ZC3H18: variants seen among roughly 807,000 people sequenced by gnomAD.
ZC3H18 encodes the protein zinc finger CCCH-type containing 18.
ZC3H18 carries 8 observed loss-of-function variants against 106.1 expected under a neutral mutation model. The observed-to-expected ratio is 0.08, with a 90% CI of 0.04 to 0.14. The LOEUF (loss-of-function observed/expected upper bound fraction) is 0.14. Ranked by LOEUF, ZC3H18 falls within the 10% of genes least tolerant of loss-of-function variation. The pLI, the probability that ZC3H18 is intolerant of heterozygous loss-of-function variation, is 1.00. For synonymous variants in ZC3H18, 635 were observed against 522.1 expected (o/e 1.22, Z -2.95); for missense variants, 1,318 against 1,278.4 (o/e 1.03, Z -0.47).
chr16:88,607,221 GCCT>G (rs1208927690), intron 6 of ZC3H18, among the ~76,000 whole-genome samples: 1 of 152,164 alleles, frequency 6.6e-6, no homozygotes, highest in South Asian at 2.1e-4. Flanking sequence ...TGGACCTCCT[GCCT>G]CCTCCTTCTG....
Position 88,619,045 on chromosome 16 carries a change from T to A in ZC3H18, c.1476-3152T>A, listed in dbSNP as rs1187119892. 2.0e-5 allele frequency among the ~76,000 whole-genome samples: 3 copies of A among 152,326 alleles called. No homozygotes were observed. The East Asian group carries it at 5.8e-4, about 29-fold the overall frequency. On this transcript the variant is annotated intron_variant, in intron 8 of 17. Transcript: ENST00000301011. ...AATCAGGATGTCCCCTGGGGTGACA[T>A]TCTTTGCTGAGAGAAGGGCACATGC...
chr16:88,605,791 C>G (rs2142722021), intron 6 of ZC3H18, among the ~76,000 whole-genome samples: 1 of 152,354 alleles, frequency 6.6e-6, no homozygotes, highest in East Asian at 1.9e-4. Context: ...TCTCTAATTG[C>G]TCGACTTTTC....
At chr16:88,624,252 ACAG>A in intron 11 of ZC3H18, 190 bp downstream of exon 11, 2 of 773,294 alleles carry the variant, frequency 2.6e-6, no homozygotes, top group Non-Finnish European at 4.0e-6. Flanking sequence ...CCACCCTTAC[ACAG>A]CAGCACTCCC....
intron 17 of ZC3H18, 56 bp from the exon 18 acceptor site, chr16:88,631,045 C>A (rs978981765): frequency 6.2e-7 from 1 of 1,605,976 alleles, no homozygotes; most frequent in South Asian, 1.1e-5. Flanking sequence ...GAGGTCACCC[C>A]TTCCACCTGC....
chr16:88,615,839 C>T (rs1444677688), intron 8 of ZC3H18, among the ~76,000 whole-genome samples: 2 of 152,210 alleles, frequency 1.3e-5, no homozygotes, highest in Non-Finnish European at 2.9e-5. Context: ...GGGGGCTCTT[C>T]CCAGTCAGGA....
rs1180293226 is a variant in ZC3H18, at chr16:88,627,982, C to T, written c.2332C>T (p.Pro778Ser). 12 of 1,614,174 alleles carry T rather than the reference C, an allele frequency of 7.4e-6. No individual in the cohort carries two copies. The highest frequency in any genetic ancestry group is 1.0e-5 in the Non-Finnish European group (12 of 1,180,042). The part of the protein sequence containing the change: ...EKRKRDSSTQ[P>S]PKSAKPPAGG... The stretch of plus-strand genomic sequence containing the variant: ...GCGGAAAAGGGATTCGTCCACACAA[C>T]CACCCAAATCTGCAAAACCTCCAGC... The change falls in exon 15 of 18, where the codon CCA becomes TCA. Residue 778 changes from proline (P) to serine (S), a missense_variant. Around this residue, in one of 6 missense-constraint regions of ZC3H18, gnomAD observed 848 missense variants for 821.7 expected, o/e 1.03. Coordinates refer to ENST00000301011, the MANE Select transcript of ZC3H18 (RefSeq NM_144604.4). The surrounding 1 kb of genome is among the most constrained non-coding windows in gnomAD (Gnocchi z 4.5).
intron 6 of ZC3H18, among the ~76,000 whole-genome samples, chr16:88,607,852 G>A (rs775196212): frequency 2.6e-5 from 4 of 152,180 alleles, no homozygotes; most frequent in East Asian, 3.9e-4. Context: ...TCTCTCAGGC[G>A]TCTCCCCACT....
chr16:88,577,546 C>T lies in ZC3H18; in HGVS notation c.423C>T (p.Ala141=), dbSNP rs140841576. ...AGGTTCCTGAGGAGCCAGCTCCCGC[C>T]GTCCAGGAGGACGAGGCTGAGAAAG... The part of the protein sequence containing the change: ...DEEVPEEPAP[A]VQEDEAEKAG... Residue 141 remains alanine, a synonymous_variant, in exon 2 of 18, where the codon GCC becomes GCT. Transcript: ENST00000301011. 2.7e-4 allele frequency: 432 copies of T among 1,613,452 alleles called. 2 individuals are homozygous for T. In the South Asian group the frequency reaches 3.4e-3, roughly 13 times the overall value.
intron 3 of ZC3H18, among the ~76,000 whole-genome samples, chr16:88,594,148 C>T (rs1353853983): frequency 1.3e-5 from 2 of 152,094 alleles, no homozygotes; most frequent in Non-Finnish European, 2.9e-5. Context: ...CATGGTCGAT[C>T]GCATGCAGAT....
At position 88,571,525 on chromosome 16, in the gene ZC3H18, A is replaced by G. The variant is rs897575108; in HGVS notation, c.-15+959A>G. 4 of 705,136 alleles carry G rather than the reference A, an allele frequency of 5.7e-6. No homozygotes were observed. The African/African-American group carries it at 7.8e-5, about 14-fold the overall frequency. The allele number at this position is 705,136 out of a possible 1,614,324, so 43.7% of individuals were successfully genotyped here. A position where few individuals can be genotyped will look rare whatever the true frequency, so the allele number is the denominator to read the frequency against. On this transcript the variant is annotated intron_variant, in intron 1 of 17. Transcript: ENST00000301011. The stretch of plus-strand genomic sequence containing the variant: ...TTGGGAGGAGAGTCTTTTCCTGATA[A>G]TTTTACTATCTAAGGGCAGTATGGA...
chr16:88,583,801 G>A (rs1219481336), intron 2 of ZC3H18, among the ~76,000 whole-genome samples: 3 of 152,090 alleles, frequency 2.0e-5, no homozygotes, highest in African/African-American at 4.8e-5. Context: ...AGAGCCCCAC[G>A]GGCACCATCC....
At chr16:88,619,341 C>T (rs1255243114) in intron 8 of ZC3H18, among the ~76,000 whole-genome samples, 3 of 152,226 alleles carry the variant, frequency 2.0e-5, no homozygotes, top group Non-Finnish European at 2.9e-5. Context: ...CCACGTCCCA[C>T]ACGTGGTAAC....
chr16:88,582,518 A>G (rs1199169771), intron 2 of ZC3H18, among the ~76,000 whole-genome samples: 1 of 152,134 alleles, frequency 6.6e-6, no homozygotes, highest in African/African-American at 2.4e-5. Context: ...TTCTTCAGCG[A>G]GCCTCATGGC....
intron 2 of ZC3H18, among the ~76,000 whole-genome samples, chr16:88,580,243 T>C (rs1187441605): frequency 6.7e-6 from 1 of 148,308 alleles, no homozygotes; most frequent in Non-Finnish European, 1.5e-5. Flanking sequence ...GCTTCCCCTA[T>C]TCCCAAGAAC....
At position 88,631,689 on chromosome 16, in the gene ZC3H18, G is replaced by A; in HGVS notation, c.*390G>A. On this transcript the variant is annotated 3_prime_UTR_variant, in exon 18 of 18. Coordinates refer to ENST00000301011, the MANE Select transcript of ZC3H18 (RefSeq NM_144604.4). ...GCAGCCAGGCTCCCTCCTGAGCTGA[G>A]AAACGGAACCTCGCGAACCACTGGT... 2.2e-6 allele frequency: 1 copy of A among 458,694 alleles called. No individual in the cohort carries two copies. The highest frequency in any genetic ancestry group is 1.6e-5 in the South Asian group (1 of 63,294). The allele number at this position is 458,694 out of a possible 1,614,324, so 28.4% of individuals were successfully genotyped here. A position where few individuals can be genotyped will look rare whatever the true frequency, so the allele number is the denominator to read the frequency against.
In ZC3H18 at chr16:88,631,345, C is replaced by G; in HGVS notation, c.*46C>G. 1 of 1,549,368 alleles carries G rather than the reference C, an allele frequency of 6.5e-7. No individual in the cohort carries two copies. Among genetic ancestry groups the G allele is most frequent in the Non-Finnish European group, 8.7e-7 (1 of 1,145,578 alleles). On this transcript the variant is annotated 3_prime_UTR_variant, in exon 18 of 18. Coordinates refer to ENST00000301011, the MANE Select transcript of ZC3H18 (RefSeq NM_144604.4). ...GACGCATTTTTATACATAGGGTAAG[C>G]GCAGCCATTTTGGATTTTGCAGTTA...
chr16:88,612,421 T>C (rs908006725), intron 8 of ZC3H18, among the ~76,000 whole-genome samples: 4 of 151,578 alleles, frequency 2.6e-5, no homozygotes, highest in Non-Finnish European at 5.9e-5. Flanking sequence ...CCCTGCACTT[T>C]GGGAGGCTGA....
intron 5 of ZC3H18, among the ~76,000 whole-genome samples, chr16:88,599,119 G>A (rs1904610198): frequency 6.6e-6 from 1 of 152,208 alleles, no homozygotes; most frequent in Non-Finnish European, 1.5e-5. Flanking sequence ...GGCTGGATCA[G>A]CACTGGGCCA....
At position 88,577,706 on chromosome 16, in the gene ZC3H18, A is replaced by G. The variant is rs1206199861; in HGVS notation, c.583A>G (p.Ile195Val). Residue 195 changes from isoleucine to valine, a missense_variant, in exon 2 of 18, where the codon ATC becomes GTC. Physicochemically the swap from Ile to Val is conservative, Grantham distance 29. Transcript: ENST00000301011. ...EKKKEDDDGE[I>V]DDGEIDDDDL... ...AAAGAAAGAGGACGATGATGGAGAA[A>G]TCGATGATGGGGAAATAGACGTGAG... The G allele has an allele frequency of 1.2e-6, 2 of 1,613,526 alleles. No homozygotes were observed. Among genetic ancestry groups the G allele is most frequent in the South Asian group, 2.2e-5 (2 of 91,060 alleles).
Sources: gnomAD v4.1 joint callset for allele counts (sites outside exome capture counted in the v4.1 genomes callset) on GRCh38, gnomAD v4.1.1 for gene constraint, gnomAD v4.1.1 regional missense constraint, Gnocchi (gnomAD v3.1) non-coding constraint, MANE v1.5 for transcripts, NCBI Gene and HGNC (gene_info 2026-07-23, HGNC 2026-07-21) for gene names.